Variants in MYO5C observed in about 807,000 individuals in gnomAD.
MYO5C encodes the protein unconventional myosin-Vc.
In MYO5C, 194 loss-of-function variants were observed where a neutral mutation model predicts 235.7. The ratio of observed to expected loss-of-function variants is 0.82; its 90% confidence interval spans 0.73 to 0.93. The LOEUF (loss-of-function observed/expected upper bound fraction) is 0.93. Ranked by LOEUF, MYO5C falls within the 40% of genes least tolerant of loss-of-function variation. The pLI is 0.00. For missense variants in MYO5C, 2,038 were observed against 2,127.2 expected, an observed-to-expected ratio of 0.96 and a Z score of 0.82; for synonymous variants, 707 against 754.8, an observed-to-expected ratio of 0.94 and a Z score of 1.04.
At chr15:52,195,520 T>C in intron 39 of MYO5C, 63 bp from the exon 40 acceptor site, 1 of 1,184,344 alleles carries the variant, frequency 8.4e-7, no homozygotes, top group Non-Finnish European at 1.2e-6. Flanking sequence ...CATAAAATAA[T>C]GGTTCTGGTT....
intron 23 of MYO5C, among the ~76,000 whole-genome samples, chr15:52,235,411 G>T (rs1247472031): frequency 6.6e-6 from 1 of 152,176 alleles, no homozygotes; most frequent in Non-Finnish European, 1.5e-5. Context: ...CCGACCATCT[G>T]TACTTTGCAA....
intron 20 of MYO5C, among the ~76,000 whole-genome samples, chr15:52,240,638 G>GGGAGGATT (rs1274313295): frequency 6.6e-6 from 1 of 152,152 alleles, no homozygotes; most frequent in Non-Finnish European, 1.5e-5. Flanking sequence ...AGGCCGAGAT[G>GGGAGGATT]GGAGGATTGC....
At chr15:52,281,028 C>T (rs527751587) in intron 2 of MYO5C, among the ~76,000 whole-genome samples, 2 of 152,328 alleles carry the variant, frequency 1.3e-5, no homozygotes, top group Admixed American at 6.5e-5. Flanking sequence ...TAACCCCGAC[C>T]AGAATATTCT....
At chr15:52,261,896 C>G (rs1323983432) in intron 9 of MYO5C, among the ~76,000 whole-genome samples, 1 of 152,176 alleles carries the variant, frequency 6.6e-6, no homozygotes, top group Non-Finnish European at 1.5e-5. Flanking sequence ...TCCAGCCCAC[C>G]AGGAAATCTA....
At chr15:52,292,883 G>A (rs113661255) in intron 1 of MYO5C, among the ~76,000 whole-genome samples, 61 of 152,232 alleles carry the variant, frequency 4.0e-4, no homozygotes, top group Non-Finnish European at 7.5e-4. Flanking sequence ...GCCAAGGCAC[G>A]CAGTGGCAAC....
intron 8 of MYO5C, among the ~76,000 whole-genome samples, chr15:52,268,426 G>A (rs1312973684): frequency 2.0e-5 from 3 of 152,202 alleles, no homozygotes; most frequent in Non-Finnish European, 4.4e-5. Context: ...AGCCAGGTGT[G>A]GTGGCGTGTG....
intron 12 of MYO5C, among the ~76,000 whole-genome samples, chr15:52,252,279 C>T (rs932136718): frequency 2.0e-5 from 3 of 152,078 alleles, no homozygotes; most frequent in East Asian, 1.9e-4. Flanking sequence ...CCTTTATTCA[C>T]GGGTGAATGG....
At chr15:52,240,713 C>T (rs1313212888) in intron 20 of MYO5C, among the ~76,000 whole-genome samples, 1 of 152,076 alleles carries the variant, frequency 6.6e-6, no homozygotes, top group Non-Finnish European at 1.5e-5. Flanking sequence ...GCCTGGGCAA[C>T]TGAGTGAGAC....
chr15:52,195,372 C>A lies in MYO5C; in HGVS notation c.5076+5G>T. 1 of 1,598,060 alleles carries A rather than the reference C, an allele frequency of 6.3e-7. No homozygotes were observed. The highest frequency in any genetic ancestry group is 8.6e-7 in the Non-Finnish European group (1 of 1,168,688). Reference sequence around the variant, plus strand: ...AATTAAAAGGCACATCCTTAAGAATCTCACCTGTACTTTGCGAACAAAGGA... The same window carrying A: ...AATTAAAAGGCACATCCTTAAGAATATCACCTGTACTTTGCGAACAAAGGA... On this transcript the variant is annotated splice_donor_5th_base_variant and intron_variant, in intron 40 of 40. Coordinates refer to ENST00000261839, the MANE Select transcript of MYO5C (RefSeq NM_018728.4).
chr15:52,208,766 T>C (rs973367517), intron 35 of MYO5C, 123 bp from the exon 36 acceptor site: 4 of 676,462 alleles, frequency 5.9e-6, no homozygotes, highest in Non-Finnish European at 1.0e-5. Context: ...CTAAAGCCTT[T>C]ATCCAATTCA....
intron 36 of MYO5C, among the ~76,000 whole-genome samples, chr15:52,207,865 A>G (rs993627122): frequency 1.3e-5 from 2 of 152,260 alleles, no homozygotes; most frequent in Non-Finnish European, 2.9e-5. Context: ...ACCAATAAAC[A>G]TATAAAATTA....
intron 34 of MYO5C, among the ~76,000 whole-genome samples, chr15:52,212,337 G>A (rs565837598): frequency 1.6e-4 from 24 of 152,094 alleles, no homozygotes; most frequent in Non-Finnish European, 2.4e-4. Context: ...AGAACAGAAT[G>A]GTGGAAACGC....
chr15:52,193,965 T>C lies in MYO5C; in HGVS notation c.5166A>G (p.Pro1722=). ...FQVTFPFTPS[P]HALEMIQIPS... is the part of the protein sequence containing the mutation. ...GGATCTGAATCATTTCCAGAGCATG[T>C]GGAGAGGGGGTAAAAGGAAATGTGA... is the stretch of plus-strand genomic sequence containing the variant. The change falls in exon 41 of 41, where the codon CCA becomes CCG. Residue 1722 remains proline (P), a synonymous_variant. Coordinates refer to ENST00000261839, the MANE Select transcript of MYO5C (RefSeq NM_018728.4). 1 of 1,613,640 alleles carries C rather than the reference T, an allele frequency of 6.2e-7. No homozygotes were observed. The highest frequency in any genetic ancestry group is 2.2e-5 in the East Asian group (1 of 44,834).
intron 24 of MYO5C, among the ~76,000 whole-genome samples, chr15:52,231,588 G>A (rs1453817924): frequency 6.6e-6 from 1 of 152,172 alleles, no homozygotes; most frequent in Non-Finnish European, 1.5e-5. Flanking sequence ...TCATATATTT[G>A]TTAACTCCTG....
chr15:52,235,862 GTTTAT>G, intron 22 of MYO5C, 99 bp from the exon 23 acceptor site: 1 of 741,604 alleles, frequency 1.3e-6, no homozygotes, highest in Non-Finnish European at 2.2e-6. Context: ...TCTTAAATTA[GTTTAT>G]TTTTTCTCAG....
chr15:52,235,858 A>C (rs1049968630), intron 22 of MYO5C, 95 bp from the exon 23 acceptor site: 11 of 758,476 alleles, frequency 1.5e-5, no homozygotes, highest in Non-Finnish European at 2.1e-5. Flanking sequence ...ATATTCTTAA[A>C]TTAGTTTATT....
rs538641687 is a variant in MYO5C, at chr15:52,253,262, A to G, written c.1536+55T>C. The stretch of plus-strand genomic sequence containing the variant: ...CACTTCAAAAAAACTGCTTTGCAAA[A>G]TGCTCATCTGTTACTACTTAAAAGC... On this transcript the variant is annotated intron_variant, in intron 12 of 40. Transcript: ENST00000261839. 43 of 1,545,624 alleles carry G rather than the reference A, an allele frequency of 2.8e-5. No homozygotes were observed. In the East Asian group the frequency reaches 9.5e-4, roughly 34 times the overall value.
intron 23 of MYO5C, 61 bp from the exon 24 acceptor site, chr15:52,232,746 G>T: frequency 7.0e-7 from 1 of 1,429,998 alleles, no homozygotes. Flanking sequence ...ATTGTTTCAT[G>T]TTATGTTTAA....
At chr15:52,275,434 G>T (rs11854890) in intron 5 of MYO5C, 128 bp downstream of exon 5, 2 of 1,143,848 alleles carry the variant, frequency 1.7e-6, no homozygotes, top group East Asian at 5.0e-5. Flanking sequence ...TAGGCTTCCC[G>T]GGTCTTTCCT....
Sources: gnomAD v4.1 joint callset for allele counts (sites outside exome capture counted in the v4.1 genomes callset) on GRCh38, gnomAD v4.1.1 for gene constraint, MANE v1.5 for transcripts, NCBI Gene and HGNC (gene_info 2026-07-23, HGNC 2026-07-21) for gene names.